CAMK1D: variants seen among roughly 807,000 people sequenced by gnomAD.
CAMK1D encodes the protein calcium/calmodulin-dependent protein kinase type 1D.
In CAMK1D, 9 loss-of-function variants were observed where a neutral mutation model predicts 47.7. That is an observed-to-expected ratio of 0.19 (90% CI 0.11 to 0.33). The LOEUF (loss-of-function observed/expected upper bound fraction) is 0.33, where lower values mean the gene tolerates loss of function less well. CAMK1D is among the 10% of genes least tolerant of loss of function. The pLI is 1.00. For synonymous variants in CAMK1D, 184 were observed against 184.9 expected, an observed-to-expected ratio of 0.99 and a Z score of 0.04; for missense variants, 291 against 488.7, an observed-to-expected ratio of 0.60 and a Z score of 3.81.
At chr10:12,361,753 A>G (rs1385704642) in intron 1 of CAMK1D, among the ~76,000 whole-genome samples, 1 of 151,130 alleles carries the variant, frequency 6.6e-6, no homozygotes, top group Non-Finnish European at 1.5e-5. Context: ...ACGAGGTTTC[A>G]CCATGTTGGC....
intron 3 of CAMK1D, among the ~76,000 whole-genome samples, chr10:12,684,157 G>T (rs764287723): frequency 2.7e-4 from 41 of 152,156 alleles, no homozygotes; most frequent in Non-Finnish European, 4.3e-4. Context: ...AAGTCAGAGA[G>T]GCCTGTGTGC....
intron 6 of CAMK1D, among the ~76,000 whole-genome samples, chr10:12,795,443 G>A (rs34278684): frequency 0.052 from 7,931 of 152,198 alleles, 224 homozygotes; most frequent in East Asian, 0.065. Context: ...GCCACTGAGC[G>A]GTCCATGAGC....
At chr10:12,481,094 G>A (rs1237686274) in intron 1 of CAMK1D, among the ~76,000 whole-genome samples, 1 of 152,052 alleles carries the variant, frequency 6.6e-6, no homozygotes, top group African/African-American at 2.4e-5. Flanking sequence ...GGATGAGAGG[G>A]GCCTGAATTC....
chr10:12,771,804 T>A (rs1333350261), intron 5 of CAMK1D, among the ~76,000 whole-genome samples: 1 of 152,062 alleles, frequency 6.6e-6, no homozygotes, highest in African/African-American at 2.4e-5. Context: ...GAGGCCAAGG[T>A]GGTTGGGTCA....
chr10:12,640,068 A>T (rs1839624902), intron 2 of CAMK1D, among the ~76,000 whole-genome samples: 1 of 152,204 alleles, frequency 6.6e-6, no homozygotes. Flanking sequence ...AAACTGACAG[A>T]TGTCCTTATT....
intron 2 of CAMK1D, among the ~76,000 whole-genome samples, chr10:12,569,853 G>A (rs192812371): frequency 3.4e-4 from 52 of 152,130 alleles, no homozygotes; most frequent in African/African-American, 1.2e-3. Context: ...AGTGGATGTG[G>A]CAGTGACCCT....
chr10:12,517,891 C>T (rs1835258934), intron 1 of CAMK1D, among the ~76,000 whole-genome samples: 1 of 152,104 alleles, frequency 6.6e-6, no homozygotes, highest in Non-Finnish European at 1.5e-5. Context: ...TCAAAGGAAT[C>T]CTTGACTTAC....
intron 2 of CAMK1D, among the ~76,000 whole-genome samples, chr10:12,567,115 T>TA (rs1285723763): frequency 6.6e-6 from 1 of 152,224 alleles, no homozygotes; most frequent in Non-Finnish European, 1.5e-5. Context: ...ACAATGAAGA[T>TA]ACTACTTCTC....
At chr10:12,726,736 C>T (rs899477829) in intron 3 of CAMK1D, among the ~76,000 whole-genome samples, 4 of 152,242 alleles carry the variant, frequency 2.6e-5, no homozygotes, top group East Asian at 3.8e-4. Context: ...GCCTCAGTGA[C>T]GGAGCTTGGA....
intron 2 of CAMK1D, among the ~76,000 whole-genome samples, chr10:12,632,418 G>C (rs1839406101): frequency 1.3e-5 from 2 of 152,240 alleles, no homozygotes; most frequent in Admixed American, 6.5e-5. Context: ...GGAGGGAGTT[G>C]AGTGGCAGAA....
At chr10:12,725,925 T>A (rs970271729) in intron 3 of CAMK1D, among the ~76,000 whole-genome samples, 3 of 151,850 alleles carry the variant, frequency 2.0e-5, no homozygotes, top group African/African-American at 7.3e-5. Flanking sequence ...CCCAGCTAAT[T>A]TTTGTATTTT....
intron 1 of CAMK1D, among the ~76,000 whole-genome samples, chr10:12,441,340 G>A (rs1024566331): frequency 6.6e-6 from 1 of 152,122 alleles, no homozygotes; most frequent in African/African-American, 2.4e-5. Flanking sequence ...TGGGACTACA[G>A]GCATATGCGA....
At chr10:12,660,448 C>T (rs1840242670) in intron 2 of CAMK1D, among the ~76,000 whole-genome samples, 1 of 152,158 alleles carries the variant, frequency 6.6e-6, no homozygotes, top group African/African-American at 2.4e-5. Context: ...GTAACGGGGC[C>T]TGTTTGTACA....
At chr10:12,796,402 G>A (rs2131015424) in intron 6 of CAMK1D, among the ~76,000 whole-genome samples, 1 of 152,306 alleles carries the variant, frequency 6.6e-6, no homozygotes. Context: ...TCACATAAAT[G>A]TCGATTTGCC....
rs1032637503 is a variant in CAMK1D at position 12,459,317 on chromosome 10, G to A, written c.93-93908G>A. ...GAATTTAGTTGAATAAATAAAAAGT[G>A]GATTTGATCATGATAGTTTGCTTTC... On this transcript the variant is annotated intron_variant, in intron 1 of 10. Transcript: ENST00000619168. Among the ~76,000 whole-genome samples the A allele has an allele frequency of 5.3e-5, 8 of 152,168 alleles. 1 individual carries two copies. Among genetic ancestry groups the A allele is most frequent in the Admixed American group, 3.9e-4 (6 of 15,272 alleles).
chr10:12,535,885 T>C (rs1224761869), intron 1 of CAMK1D, among the ~76,000 whole-genome samples: 1 of 152,186 alleles, frequency 6.6e-6, no homozygotes, highest in Non-Finnish European at 1.5e-5. Context: ...AGTTGTGGTG[T>C]GTTATCTGTG....
At chr10:12,503,291 C>T (rs988927517) in intron 1 of CAMK1D, among the ~76,000 whole-genome samples, 27 of 152,130 alleles carry the variant, frequency 1.8e-4, no homozygotes, top group African/African-American at 5.8e-4. Context: ...CTCCTCGCCC[C>T]GCCTGATGTG....
chr10:12,395,680 C>T (rs757182975), intron 1 of CAMK1D, among the ~76,000 whole-genome samples: 6 of 151,742 alleles, frequency 4.0e-5, no homozygotes, highest in East Asian at 2.0e-4. Context: ...TCTGGGAGGC[C>T]GAGGTTGGTG....
chr10:12,692,833 G>A (rs981445576), intron 3 of CAMK1D, among the ~76,000 whole-genome samples: 11 of 152,282 alleles, frequency 7.2e-5, no homozygotes, highest in Non-Finnish European at 1.2e-4. Context: ...AAGATGGAGC[G>A]TCTTCTAATG....
Sources: gnomAD v4.1 joint callset for allele counts (sites outside exome capture counted in the v4.1 genomes callset) on GRCh38, gnomAD v4.1.1 for gene constraint, MANE v1.5 for transcripts, NCBI Gene and HGNC (gene_info 2026-07-23, HGNC 2026-07-21) for gene names.